The following ALK variants were observed in gnomAD, a reference collection of about 807,000 sequenced individuals.
ALK encodes the protein ALK receptor tyrosine kinase, also known as ALK tyrosine kinase receptor.
Under a neutral mutation model 163.1 loss-of-function variants are expected in ALK, and 74 were observed. That is an observed-to-expected ratio of 0.45 (90% CI 0.38 to 0.55). The LOEUF is 0.55. Ranked by LOEUF, ALK falls within the 20% of genes least tolerant of loss-of-function variation. ALK has a pLI of 0.00. For missense variants in ALK, 2,063 were observed against 2,105.3 expected, an observed-to-expected ratio of 0.98 and a Z score of 0.39; for synonymous variants, 960 against 843.2, an observed-to-expected ratio of 1.14 and a Z score of -2.40.
chr2:29,247,189 C>T (rs1558636767), intron 12 of ALK, among the ~76,000 whole-genome samples: 3 of 151,972 alleles, frequency 2.0e-5, no homozygotes, highest in Admixed American at 6.5e-5. Context: ...TCCGCGGCAG[C>T]GCCTTGTGGA....
intron 1 of ALK, among the ~76,000 whole-genome samples, chr2:29,798,050 A>G (rs570528728): frequency 5.1e-4 from 78 of 152,310 alleles, no homozygotes; most frequent in African/African-American, 1.7e-3. Context: ...AAGGGTGAGC[A>G]CTATTTGGTG....
intron 4 of ALK, among the ~76,000 whole-genome samples, chr2:29,497,446 G>C (rs998631922): frequency 1.3e-5 from 2 of 152,012 alleles, no homozygotes; most frequent in African/African-American, 2.4e-5. Context: ...ACAGAACCTT[G>C]GTCTAGGTCA....
intron 3 of ALK, among the ~76,000 whole-genome samples, chr2:29,602,550 T>C (rs1361828623): frequency 3.3e-5 from 5 of 152,184 alleles, no homozygotes. Flanking sequence ...TAGCATTACC[T>C]AACAAGGTGG....
At chr2:29,466,806 CAGTT>C (rs920730666) in intron 4 of ALK, among the ~76,000 whole-genome samples, 19 of 152,342 alleles carry the variant, frequency 1.2e-4, no homozygotes, top group Non-Finnish European at 1.8e-4. Flanking sequence ...ATCAATCACT[CAGTT>C]GGTAACTTGT....
At chr2:29,363,098 C>A (rs1418688348) in intron 5 of ALK, among the ~76,000 whole-genome samples, 1 of 152,216 alleles carries the variant, frequency 6.6e-6, no homozygotes, top group Admixed American at 6.5e-5. Flanking sequence ...TTGCCTCTTC[C>A]TCTCTCCAGG....
At chr2:29,834,367 C>T (rs55970309) in intron 1 of ALK, among the ~76,000 whole-genome samples, 1 of 152,154 alleles carries the variant, frequency 6.6e-6, no homozygotes, top group Non-Finnish European at 1.5e-5. Flanking sequence ...AGTAGCCAGT[C>T]TCATCAATTT....
chr2:29,707,062 G>A (rs1678932810), intron 2 of ALK, among the ~76,000 whole-genome samples: 1 of 146,948 alleles, frequency 6.8e-6, no homozygotes, highest in African/African-American at 2.5e-5. Flanking sequence ...GAATGAAGCA[G>A]GCTCCAGAGG....
At position 29,920,454 on chromosome 2, in the gene ALK, C is replaced by T. The variant is rs769061878; in HGVS notation, c.206G>A (p.Arg69Gln). The T allele has an allele frequency of 7.6e-5, 123 of 1,611,302 alleles. No homozygotes were observed. The highest frequency in any genetic ancestry group is 1.2e-4 in the African/African-American group (9 of 74,880). The change falls in exon 1 of 29, where the codon CGG becomes CAG. Residue 69 changes from arginine to glutamine, a missense_variant. Transcript: ENST00000389048. ...VVPSLFRVYA[R>Q]DLLLPPSSSE... ...GGAGGATGGTGGCAGCAGTAGGTCC[C>T]GGGCGTAGACACGGAAGAGCGAGGG...
chr2:29,318,798 C>T (rs1666915489), intron 7 of ALK, among the ~76,000 whole-genome samples: 1 of 152,110 alleles, frequency 6.6e-6, no homozygotes, highest in South Asian at 2.1e-4. Flanking sequence ...GATCTCCTGA[C>T]CTGGTGATCT....
chr2:29,568,131 T>C (rs571281272), intron 3 of ALK, among the ~76,000 whole-genome samples: 2 of 152,324 alleles, frequency 1.3e-5, no homozygotes, highest in Non-Finnish European at 2.9e-5. Flanking sequence ...GACATCCATA[T>C]GTCACTGGGA....
chr2:29,282,336 A>C (rs1434712117), intron 9 of ALK, among the ~76,000 whole-genome samples: 2 of 152,210 alleles, frequency 1.3e-5, no homozygotes, highest in Non-Finnish European at 2.9e-5. Flanking sequence ...GTGAAGAAAA[A>C]GCCCTGCCAC....
chr2:29,599,642 A>G (rs1675320774), intron 3 of ALK, among the ~76,000 whole-genome samples: 1 of 152,228 alleles, frequency 6.6e-6, no homozygotes, highest in South Asian at 2.1e-4. Context: ...TTCTTCTTGA[A>G]GATAGAAAAT....
intron 3 of ALK, among the ~76,000 whole-genome samples, chr2:29,684,646 T>A (rs1280584957): frequency 1.3e-5 from 2 of 152,154 alleles, no homozygotes. Flanking sequence ...TTGATGTAAT[T>A]TGGTTGTGTC....
chr2:29,528,324 C>T (rs576300102), intron 4 of ALK, among the ~76,000 whole-genome samples: 2 of 152,270 alleles, frequency 1.3e-5, no homozygotes, highest in African/African-American at 2.4e-5. Context: ...ATCAAGCTTG[C>T]GTTCTTGCAT....
intron 11 of ALK, among the ~76,000 whole-genome samples, chr2:29,253,303 G>C (rs1664870502): frequency 6.6e-6 from 1 of 152,180 alleles, no homozygotes; most frequent in Admixed American, 6.5e-5. Context: ...ACCACACGAG[G>C]GGTGATGTGG....
At chr2:29,245,226 G>A (rs1664630741) in intron 12 of ALK, among the ~76,000 whole-genome samples, 1 of 150,418 alleles carries the variant, frequency 6.6e-6, no homozygotes, top group African/African-American at 2.5e-5. Context: ...CACATAGTAG[G>A]GGCTCCATGG....
At chr2:29,236,016 T>C (rs1172615727) in intron 13 of ALK, among the ~76,000 whole-genome samples, 1 of 146,634 alleles carries the variant, frequency 6.8e-6, no homozygotes, top group Non-Finnish European at 1.5e-5. Context: ...CTAATTTTTG[T>C]ATTTTTTTTT....
chr2:29,422,997 G>C (rs1305195613), intron 4 of ALK, among the ~76,000 whole-genome samples: 1 of 151,588 alleles, frequency 6.6e-6, no homozygotes, highest in Non-Finnish European at 1.5e-5. Flanking sequence ...TGCCAGGGGA[G>C]ATGAGCGTGG....
At chr2:29,490,624 C>G (rs900285834) in intron 4 of ALK, among the ~76,000 whole-genome samples, 18 of 152,182 alleles carry the variant, frequency 1.2e-4, no homozygotes, top group Admixed American at 6.5e-5. Context: ...TCGACAACAT[C>G]TAAATCAGGC....
Sources: gnomAD v4.1 joint callset for allele counts (sites outside exome capture counted in the v4.1 genomes callset) on GRCh38, gnomAD v4.1.1 for gene constraint, MANE v1.5 for transcripts, NCBI Gene and HGNC (gene_info 2026-07-23, HGNC 2026-07-21) for gene names.